LRRTM4: variants seen among roughly 807,000 people sequenced by gnomAD.
LRRTM4 encodes leucine-rich repeat transmembrane neuronal protein 4.
A neutral mutation model predicts 47.6 loss-of-function variants in LRRTM4; 25 were observed. That is an observed-to-expected ratio of 0.53 (90% CI 0.38 to 0.73). The LOEUF (loss-of-function observed/expected upper bound fraction) is 0.73. LRRTM4 is among the 30% of genes least tolerant of loss of function. The pLI is 0.00. For synonymous variants in LRRTM4, 311 were observed against 269.5 expected (o/e 1.15, Z -1.51); for missense variants, 638 against 713.4 (o/e 0.89, Z 1.20).
intron 3 of LRRTM4, among the ~76,000 whole-genome samples, chr2:77,486,045 A>T (rs889222037): frequency 1.3e-5 from 2 of 152,156 alleles, no homozygotes; most frequent in African/African-American, 4.8e-5. Flanking sequence ...AGCCTAAAAA[A>T]AATTTAGAAC....
At chr2:77,145,182 T>C (rs1024295181) in intron 3 of LRRTM4, among the ~76,000 whole-genome samples, 1 of 151,372 alleles carries the variant, frequency 6.6e-6, no homozygotes, top group Non-Finnish European at 1.5e-5. Context: ...AAGTAAAGGG[T>C]AGAGCATTTG....
At chr2:77,199,470 G>C (rs755132420) in intron 3 of LRRTM4, among the ~76,000 whole-genome samples, 1 of 151,906 alleles carries the variant, frequency 6.6e-6, no homozygotes, top group Non-Finnish European at 1.5e-5. Context: ...TCCCTTAAAG[G>C]TTCTAATTTT....
intron 3 of LRRTM4, among the ~76,000 whole-genome samples, chr2:76,830,461 C>T (rs1476089684): frequency 1.3e-5 from 2 of 151,278 alleles, no homozygotes; most frequent in Admixed American, 1.3e-4. Flanking sequence ...GACATTTTAT[C>T]CCTGCCTACC....
At chr2:77,356,938 C>T (rs1353491658) in intron 3 of LRRTM4, among the ~76,000 whole-genome samples, 2 of 152,050 alleles carry the variant, frequency 1.3e-5, no homozygotes, top group African/African-American at 4.8e-5. Context: ...TTTTAATGGT[C>T]ATAATTATGA....
At chr2:76,800,050 G>A (rs1198367646) in intron 3 of LRRTM4, among the ~76,000 whole-genome samples, 1 of 151,858 alleles carries the variant, frequency 6.6e-6, no homozygotes, top group Non-Finnish European at 1.5e-5. Flanking sequence ...CAGATTCAAT[G>A]CCATCCCCCT....
At chr2:77,486,325 A>G (rs904370962) in intron 3 of LRRTM4, among the ~76,000 whole-genome samples, 1 of 152,140 alleles carries the variant, frequency 6.6e-6, no homozygotes, top group Non-Finnish European at 1.5e-5. Flanking sequence ...TTACTCAAAA[A>G]CAGGGCAGAG....
intron 3 of LRRTM4, among the ~76,000 whole-genome samples, chr2:76,751,338 G>A (rs1454925444): frequency 6.6e-6 from 1 of 151,570 alleles, no homozygotes; most frequent in Non-Finnish European, 1.5e-5. Context: ...ACTATTTTCA[G>A]GAAGTCTTTT....
intron 3 of LRRTM4, among the ~76,000 whole-genome samples, chr2:77,289,771 T>C (rs921791857): frequency 6.6e-6 from 1 of 152,026 alleles, no homozygotes; most frequent in Admixed American, 6.6e-5. Context: ...AATATCTCAA[T>C]GTTTAAAACT....
chr2:76,930,318 G>A (rs1674728348), intron 3 of LRRTM4, among the ~76,000 whole-genome samples: 2 of 152,108 alleles, frequency 1.3e-5, no homozygotes, highest in Admixed American at 1.3e-4. Context: ...TGATGCTCAG[G>A]TGCGTGTGCA....
intron 3 of LRRTM4, among the ~76,000 whole-genome samples, chr2:77,211,462 G>A (rs577159403): frequency 9.2e-5 from 14 of 152,132 alleles, no homozygotes; most frequent in Non-Finnish European, 1.0e-4. Context: ...AAATCTGAGA[G>A]CAAATGGGCA....
intron 3 of LRRTM4, among the ~76,000 whole-genome samples, chr2:77,003,653 C>G (rs758749748): frequency 6.6e-6 from 1 of 152,050 alleles, no homozygotes. Flanking sequence ...TATAAATTAC[C>G]CAGTCTCAGG....
intron 3 of LRRTM4, among the ~76,000 whole-genome samples, chr2:76,930,030 G>A (rs190653320): frequency 4.0e-5 from 6 of 151,582 alleles, no homozygotes; most frequent in Admixed American, 4.0e-4. Context: ...ATCTCTGGTG[G>A]TTATTTTTAT....
chr2:76,963,143 TACTC>T (rs890646375), intron 3 of LRRTM4, among the ~76,000 whole-genome samples: 4 of 150,974 alleles, frequency 2.6e-5, no homozygotes, highest in Non-Finnish European at 4.5e-5. Flanking sequence ...TTAATGACCT[TACTC>T]AATGTAAAAA....
chr2:77,488,081 C>G (rs1008041255), intron 3 of LRRTM4, among the ~76,000 whole-genome samples: 1 of 152,090 alleles, frequency 6.6e-6, no homozygotes, highest in African/African-American at 2.4e-5. Flanking sequence ...TTGCAGGCAA[C>G]GAGAAGGAGG....
chr2:77,163,378 A>G (rs1672786789), intron 3 of LRRTM4, among the ~76,000 whole-genome samples: 1 of 152,208 alleles, frequency 6.6e-6, no homozygotes, highest in Non-Finnish European at 1.5e-5. Flanking sequence ...GATGGGGATA[A>G]TGGAACCAAG....
chr2:76,847,866 A>T (rs1171630344), intron 3 of LRRTM4, among the ~76,000 whole-genome samples: 2 of 152,160 alleles, frequency 1.3e-5, no homozygotes, highest in Admixed American at 6.6e-5. Flanking sequence ...GACATGCTAA[A>T]TCTTCTTCCT....
At chr2:77,360,028 T>C (rs1361770526) in intron 3 of LRRTM4, among the ~76,000 whole-genome samples, 2 of 152,164 alleles carry the variant, frequency 1.3e-5, no homozygotes, top group African/African-American at 4.8e-5. Context: ...GTATATTTGT[T>C]AATATATTTG....
intron 3 of LRRTM4, among the ~76,000 whole-genome samples, chr2:76,788,758 T>C (rs1168004627): frequency 6.6e-6 from 1 of 152,128 alleles, no homozygotes; most frequent in Non-Finnish European, 1.5e-5. Flanking sequence ...ACCCTGTGAA[T>C]TTTTAGGGGG....
At position 76,807,932 on chromosome 2, in the gene LRRTM4, CCTTT is replaced by C. The variant is rs113802010; in HGVS notation, c.1552-59020_1552-59017del. On this transcript the variant is annotated intron_variant, in intron 3 of 3. Coordinates refer to ENST00000409884, the MANE Select transcript of LRRTM4 (RefSeq NM_001134745.3). ...TTCTTTTCTTTCCTTTCTTTCCTTT[CCTTT>C]CTTTCTTTCTTTCTTTCTTTTTCTT... Among the ~76,000 whole-genome samples, 508 of 123,146 alleles carry C rather than the reference CCTTT, an allele frequency of 4.1e-3. 1 individual carries two copies. The highest frequency in any genetic ancestry group is 0.022 in the East Asian group (96 of 4,438). The allele number at this position is 123,146 out of a possible 152,430, so 80.8% of individuals were successfully genotyped here.
Sources: gnomAD v4.1 joint callset for allele counts (sites outside exome capture counted in the v4.1 genomes callset) on GRCh38, gnomAD v4.1.1 for gene constraint, MANE v1.5 for transcripts, NCBI Gene and HGNC (gene_info 2026-07-23, HGNC 2026-07-21) for gene names.